Variants in HDAC9 observed in about 807,000 individuals in gnomAD.
The protein encoded by HDAC9 is MEF-2 interacting transcription repressor (MITR) protein.
Under a neutral mutation model 139.4 loss-of-function variants are expected in HDAC9, and 41 were observed. The ratio of observed to expected loss-of-function variants is 0.29; its 90% CI spans 0.23 to 0.38. The LOEUF (loss-of-function observed/expected upper bound fraction) is 0.38. Among genes scored for constraint, HDAC9 ranks in the 10% least tolerant of loss-of-function variants. The probability of loss-of-function intolerance (pLI) is 1.00; values close to 1 mark genes in which losing one functional copy is unlikely to be tolerated. For synonymous variants in HDAC9, 517 were observed against 476.2 expected (o/e 1.09, Z -1.12); for missense variants, 1,147 against 1,297.0 (o/e 0.88, Z 1.78).
chr7:18,596,860 AT>A lies in HDAC9; in HGVS notation c.664+2833del, dbSNP rs569124254. ...TTTTAAATCTACATCAGCAATATGTATTAGCAAGCAAGATTTACGAGAGTAA... is the reference window on the plus strand; with the variant it reads ...TTTTAAATCTACATCAGCAATATGTATAGCAAGCAAGATTTACGAGAGTAA... On this transcript the variant is annotated intron_variant, in intron 6 of 25. Transcript: ENST00000686413. Among the ~76,000 whole-genome samples, 74 of 152,286 alleles carry A rather than the reference AT, an allele frequency of 4.9e-4. No individual in the cohort carries two copies. In the East Asian group the frequency reaches 0.014, roughly 28 times the overall value.
chr7:18,557,931 A>G (rs1393074777), intron 2 of HDAC9, among the ~76,000 whole-genome samples: 1 of 151,944 alleles, frequency 6.6e-6, no homozygotes, highest in Non-Finnish European at 1.5e-5. Flanking sequence ...TAGCATTTAA[A>G]AGTTCTTTAA....
At chr7:18,793,204 C>G in intron 16 of HDAC9, 141 bp from the exon 17 acceptor site, 1 of 655,998 alleles carries the variant, frequency 1.5e-6, no homozygotes, top group Non-Finnish European at 2.8e-6. Context: ...TAGGCTGTTA[C>G]CCTGCCAGCC....
chr7:18,742,310 C>G (rs1787534902), intron 13 of HDAC9, among the ~76,000 whole-genome samples: 1 of 152,174 alleles, frequency 6.6e-6, no homozygotes. Context: ...CTACCCTGAT[C>G]AGTTAGCAGC....
chr7:18,620,387 G>A (rs1232158445), intron 6 of HDAC9, among the ~76,000 whole-genome samples: 3 of 151,624 alleles, frequency 2.0e-5, no homozygotes, highest in African/African-American at 7.3e-5. Context: ...TGTTAAAAAT[G>A]ATAATTTGTT....
intron 2 of HDAC9, among the ~76,000 whole-genome samples, chr7:18,279,648 T>C (rs1421953112): frequency 6.6e-6 from 1 of 151,910 alleles, no homozygotes; most frequent in Non-Finnish European, 1.5e-5. Flanking sequence ...GTATTTTTAG[T>C]AGAGATGGGA....
At chr7:18,417,329 A>C (rs1007677753) in intron 1 of HDAC9, among the ~76,000 whole-genome samples, 11 of 152,194 alleles carry the variant, frequency 7.2e-5, no homozygotes, top group African/African-American at 2.7e-4. Context: ...ACATGTAATT[A>C]CAGTTTCAAT....
intron 17 of HDAC9, among the ~76,000 whole-genome samples, chr7:18,805,366 CT>C (rs531674143): frequency 1.8e-3 from 275 of 152,204 alleles, no homozygotes; most frequent in African/African-American, 6.4e-3. Context: ...AGTTTGAGAG[CT>C]TATGTAAAGA....
intron 1 of HDAC9, among the ~76,000 whole-genome samples, chr7:18,361,735 T>A (rs1783794003): frequency 1.3e-5 from 2 of 152,178 alleles, no homozygotes; most frequent in Non-Finnish European, 2.9e-5. Flanking sequence ...AGAGCAATGC[T>A]GTTGCAAATG....
chr7:18,369,257 G>A (rs1392497533), intron 1 of HDAC9, among the ~76,000 whole-genome samples: 6 of 151,970 alleles, frequency 3.9e-5, no homozygotes, highest in Non-Finnish European at 7.4e-5. Context: ...CAGAATAGTG[G>A]AATTCGTATG....
At chr7:18,234,978 A>G (rs1793717687) in intron 2 of HDAC9, among the ~76,000 whole-genome samples, 1 of 152,114 alleles carries the variant, frequency 6.6e-6, no homozygotes, top group African/African-American at 2.4e-5. Context: ...AGGACCCTCT[A>G]TTTGGGATCC....
chr7:18,522,286 A>T (rs2128217978), intron 2 of HDAC9, among the ~76,000 whole-genome samples: 1 of 152,282 alleles, frequency 6.6e-6, no homozygotes, highest in South Asian at 2.1e-4. Context: ...AAACCAAAAG[A>T]TACCTGATTA....
In HDAC9 at chr7:18,962,073, C is replaced by G. The variant is rs558064788; in HGVS notation, c.3022+7843C>G. On this transcript the variant is annotated intron_variant, in intron 24 of 25. Coordinates refer to ENST00000686413, the MANE Select transcript of HDAC9 (RefSeq NM_178425.4). ...TGCCAAAGTACAAGAAGCCATGGAG[C>G]TGTGCGTCCACTTTTGAGCCCCTTA... 2.6e-5 allele frequency among the ~76,000 whole-genome samples: 4 copies of G among 152,294 alleles called. No individual in the cohort carries two copies. In the South Asian group the frequency reaches 8.3e-4, roughly 32 times the overall value.
intron 2 of HDAC9, among the ~76,000 whole-genome samples, chr7:18,508,805 T>C (rs1333683517): frequency 1.3e-5 from 2 of 152,212 alleles, no homozygotes; most frequent in Admixed American, 6.5e-5. Flanking sequence ...GAGTATGAAA[T>C]ACAGTATTCA....
intron 24 of HDAC9, among the ~76,000 whole-genome samples, chr7:18,968,958 CAAAAAAAA>C (rs34379636): frequency 2.9e-4 from 13 of 45,192 alleles, no homozygotes; most frequent in South Asian, 1.6e-3. Context: ...GCCTCCCTCT[CAAAAAAAA>C]AAAAAAAAAA....
chr7:18,920,723 A>G (rs1357239987), intron 22 of HDAC9, among the ~76,000 whole-genome samples: 1 of 152,088 alleles, frequency 6.6e-6, no homozygotes, highest in East Asian at 1.9e-4. Context: ...AATTTTGTCA[A>G]AGGCCTTTTC....
intron 1 of HDAC9, among the ~76,000 whole-genome samples, chr7:18,396,077 T>TCGTTC (rs1787003752): frequency 1.3e-5 from 1 of 74,872 alleles, no homozygotes; most frequent in African/African-American, 4.1e-5. Context: ...TCTCAAAGTG[T>TCGTTC]CATTCCCTTC....
In HDAC9 at chr7:18,285,202, A is replaced by G. The variant is rs544805128; in HGVS notation, c.25+122853A>G. ...GGCAAGTGTATGTTTGGGTTCTAAGACTTGGGTCATTAATACCAAGTCATA... is the reference window on the plus strand; with the variant it reads ...GGCAAGTGTATGTTTGGGTTCTAAGGCTTGGGTCATTAATACCAAGTCATA... On this transcript the variant is annotated intron_variant, in intron 2 of 12. Transcript: ENST00000417496. Among the ~76,000 whole-genome samples the G allele has an allele frequency of 3.3e-5, 5 of 152,010 alleles. No individual in the cohort carries two copies. The South Asian group carries it at 6.2e-4, about 19-fold the overall frequency.
chr7:18,172,444 A>G (rs534577874), intron 2 of HDAC9, among the ~76,000 whole-genome samples: 2 of 151,856 alleles, frequency 1.3e-5, no homozygotes, highest in African/African-American at 2.4e-5. Context: ...TTATGTCTCT[A>G]TCTCCTTCAG....
chr7:18,621,653 G>C lies in HDAC9; in HGVS notation c.665-7697G>C, dbSNP rs58817444. ...TATATGAATTACATACTGTTAAGTG[G>C]TTATAATTAGAAATAGTTACATTAG... On this transcript the variant is annotated intron_variant, in intron 6 of 25. Coordinates refer to ENST00000686413, the MANE Select transcript of HDAC9 (RefSeq NM_178425.4). Among the ~76,000 whole-genome samples the C allele has an allele frequency of 2.6e-4, 39 of 152,114 alleles. No homozygotes were observed. The East Asian group carries it at 7.5e-3, about 29-fold the overall frequency.
Sources: gnomAD v4.1 joint callset for allele counts (sites outside exome capture counted in the v4.1 genomes callset) on GRCh38, gnomAD v4.1.1 for gene constraint, MANE v1.5 for transcripts, NCBI Gene and HGNC (gene_info 2026-07-23, HGNC 2026-07-21) for gene names.